SLCO5A1: variants seen among roughly 807,000 people sequenced by gnomAD.
The protein encoded by SLCO5A1 is organic anion transporter polypeptide-related protein 4.
In SLCO5A1, 39 loss-of-function variants were observed where a neutral mutation model predicts 65.1. The ratio of observed to expected loss-of-function variants is 0.60; its 90% CI spans 0.46 to 0.78. The LOEUF (loss-of-function observed/expected upper bound fraction) is 0.78, where lower values mean the gene tolerates loss of function less well. SLCO5A1 is among the 30% of genes least tolerant of loss of function. The pLI is 0.00. For missense variants in SLCO5A1, 1,029 were observed against 1,069.4 expected (o/e 0.96, Z 0.53); for synonymous variants, 438 against 415.7 (o/e 1.05, Z -0.65).
At chr8:69,779,697 T>C (rs963016005) in intron 2 of SLCO5A1, among the ~76,000 whole-genome samples, 1 of 152,148 alleles carries the variant, frequency 6.6e-6, no homozygotes, top group African/African-American at 2.4e-5. Context: ...TAGTAAGTGG[T>C]AGAACCCAAA....
intron 4 of SLCO5A1, among the ~76,000 whole-genome samples, chr8:69,749,105 CA>C (rs1300957663): frequency 6.6e-6 from 1 of 152,190 alleles, no homozygotes. Flanking sequence ...TTTGCTGCGT[CA>C]AAAACTGACC....
Position 69,738,143 on chromosome 8 carries a change from T to C in SLCO5A1, c.1320A>G (p.Ser440=). Residue 440 remains serine, a synonymous_variant, in exon 5 of 10, where the codon TCA becomes TCG. Transcript: ENST00000260126. The part of the protein sequence containing the change: ...SNMTFLFVSL[S]YTAESAIVTA... ...TTACAATGGCACTCTCAGCTGTGTA[T>C]GACAAACTCACAAAAAGGAATGTCA... is the stretch of plus-strand genomic sequence containing the variant. The C allele has an allele frequency of 6.2e-7, 1 of 1,613,882 alleles. No individual in the cohort carries two copies. Among genetic ancestry groups the C allele is most frequent in the Middle Eastern group, 1.6e-4 (1 of 6,062 alleles).
chr8:69,715,298 T>C (rs1020686685), intron 5 of SLCO5A1, among the ~76,000 whole-genome samples: 12 of 152,238 alleles, frequency 7.9e-5, no homozygotes, highest in South Asian at 2.1e-4. Context: ...TATTAACTTT[T>C]TCAGCTATCA....
At chr8:69,810,217 C>A (rs189435882) in intron 2 of SLCO5A1, among the ~76,000 whole-genome samples, 4 of 152,278 alleles carry the variant, frequency 2.6e-5, no homozygotes, top group African/African-American at 9.6e-5. Flanking sequence ...CAGCATCCTG[C>A]AAAAGTCGCA....
At chr8:69,692,248 C>T (rs1421185963) in intron 6 of SLCO5A1, among the ~76,000 whole-genome samples, 3 of 151,748 alleles carry the variant, frequency 2.0e-5, no homozygotes, top group African/African-American at 4.8e-5. Flanking sequence ...GACTCCATCT[C>T]AAAAAATAAA....
intron 2 of SLCO5A1, among the ~76,000 whole-genome samples, chr8:69,765,845 T>C (rs1818038630): frequency 6.6e-6 from 1 of 152,126 alleles, no homozygotes; most frequent in Admixed American, 6.5e-5. Flanking sequence ...CTCTGGATCC[T>C]ACCTATTCTT....
intron 4 of SLCO5A1, among the ~76,000 whole-genome samples, chr8:69,752,033 T>C (rs900066641): frequency 1.3e-5 from 2 of 152,068 alleles, no homozygotes; most frequent in Non-Finnish European, 2.9e-5. Context: ...GAGTTCTAGA[T>C]CAGCCTGTGA....
intron 4 of SLCO5A1, among the ~76,000 whole-genome samples, chr8:69,749,876 A>T (rs1563699397): frequency 6.6e-6 from 1 of 152,136 alleles, no homozygotes; most frequent in South Asian, 2.1e-4. Flanking sequence ...GGAGGTAAGA[A>T]GCCTTGAAGG....
At chr8:69,790,730 T>G (rs1819231020) in intron 2 of SLCO5A1, among the ~76,000 whole-genome samples, 1 of 152,100 alleles carries the variant, frequency 6.6e-6, no homozygotes, top group Non-Finnish European at 1.5e-5. Flanking sequence ...GGTTTTAAAC[T>G]ACAATGAACA....
At chr8:69,820,668 CA>C (rs980892843) in intron 2 of SLCO5A1, among the ~76,000 whole-genome samples, 1 of 150,784 alleles carries the variant, frequency 6.6e-6, no homozygotes, top group South Asian at 2.1e-4. Context: ...CATGTCTCTA[CA>C]AAAAAATATA....
intron 1 of SLCO5A1, 119 bp downstream of exon 1, chr8:69,834,735 T>TACACACAC (rs57972006): frequency 0.13 from 17,365 of 138,806 alleles, 1,453 homozygotes; most frequent in Admixed American, 0.18. Context: ...ACGCACATCC[T>TACACACAC]ACACACACAC....
rs71556776 is a variant in SLCO5A1 at position 69,700,728 on chromosome 8, TG to T, written c.1622+4302del. 8.4e-3 allele frequency among the ~76,000 whole-genome samples: 1,271 copies of T among 151,890 alleles called. 24 individuals carry two copies. Among genetic ancestry groups the T allele is most frequent in the Middle Eastern group, 0.017 (5 of 294 alleles). ...AAGAGCATTAGAAATTAGATGACAA[TG>T]GGGCAAAAACTTCAAAACTCTGAGT... On this transcript the variant is annotated intron_variant, in intron 6 of 9. Transcript: ENST00000260126.
intron 2 of SLCO5A1, among the ~76,000 whole-genome samples, chr8:69,766,439 G>A (rs764660486): frequency 1.1e-4 from 16 of 152,044 alleles, no homozygotes; most frequent in Middle Eastern, 3.2e-3. Flanking sequence ...TGGTCTCCTC[G>A]TTCTTTAACC....
intron 5 of SLCO5A1, among the ~76,000 whole-genome samples, chr8:69,731,707 C>T (rs1816343620): frequency 6.6e-6 from 1 of 152,210 alleles, no homozygotes; most frequent in South Asian, 2.1e-4. Context: ...ATAATTTTCA[C>T]TTTTTGTTCC....
intron 6 of SLCO5A1, among the ~76,000 whole-genome samples, chr8:69,695,464 T>G (rs1298904613): frequency 6.6e-6 from 1 of 151,976 alleles, no homozygotes; most frequent in Non-Finnish European, 1.5e-5. Flanking sequence ...CCACTGCACT[T>G]TAGCCTGGAT....
chr8:69,706,612 A>G (rs1814979633), intron 5 of SLCO5A1, among the ~76,000 whole-genome samples: 1 of 152,172 alleles, frequency 6.6e-6, no homozygotes, highest in Admixed American at 6.5e-5. Flanking sequence ...CACATGTGAG[A>G]AGACAGCCTT....
intron 6 of SLCO5A1, among the ~76,000 whole-genome samples, chr8:69,686,280 G>T (rs1015129198): frequency 2.7e-5 from 4 of 148,198 alleles, no homozygotes; most frequent in Non-Finnish European, 5.9e-5. Context: ...TAATAAACTA[G>T]AACAGTATCT....
At chr8:69,733,037 A>G (rs1384237039) in intron 5 of SLCO5A1, among the ~76,000 whole-genome samples, 1 of 152,206 alleles carries the variant, frequency 6.6e-6, no homozygotes, top group Non-Finnish European at 1.5e-5. Context: ...CATAATTAAT[A>G]ATATCTACTT....
chr8:69,799,958 A>AT (rs769038383), intron 2 of SLCO5A1, among the ~76,000 whole-genome samples: 196 of 152,078 alleles, frequency 1.3e-3, no homozygotes, highest in Middle Eastern at 6.8e-3. Context: ...TTCATTTTTT[A>AT]TTTTTCAAAT....
Sources: allele counts gnomAD v4.1 joint callset (sites outside exome capture counted in the v4.1 genomes callset), GRCh38; gene constraint gnomAD v4.1.1; transcripts MANE v1.5; gene names NCBI Gene and HGNC (gene_info 2026-07-23, HGNC 2026-07-21).